Variants in DOCK6 observed in about 807,000 individuals in gnomAD.
DOCK6 encodes the protein dedicator of cytokinesis protein 6.
Under a neutral mutation model 230.3 loss-of-function variants are expected in DOCK6, and 167 were observed. The ratio of observed to expected loss-of-function variants is 0.73; its 90% confidence interval spans 0.64 to 0.82. DOCK6 has a LOEUF of 0.82. DOCK6 is among the 40% of genes least tolerant of loss of function. The pLI is 0.00. For missense variants in DOCK6, 2,598 were observed against 2,825.8 expected (o/e 0.92, Z 1.83); for synonymous variants, 1,148 against 1,185.0 (o/e 0.97, Z 0.64).
chr19:11,235,581 G>A lies in DOCK6; in HGVS notation c.2554+17C>T, dbSNP rs575361918. ...TCCCAGATATTTCTCGTCTCACAGG[G>A]ATTTCTACAAACTCACCATCCGGGA... On this transcript the variant is annotated intron_variant, in intron 21 of 47. Transcript: ENST00000294618. The A allele has an allele frequency of 4.5e-6, 7 of 1,568,876 alleles. No individual in the cohort carries two copies. In the South Asian group the frequency reaches 8.1e-5, roughly 18 times the overall value.
chr19:11,217,529 G>A (rs2079512147), intron 28 of DOCK6, 138 bp from the exon 29 acceptor site: 3 of 1,150,134 alleles, frequency 2.6e-6, no homozygotes, highest in Non-Finnish European at 3.7e-6. Context: ...GGCAGAGGCG[G>A]GTGGATCACC....
At chr19:11,216,800 A>C in intron 30 of DOCK6, 114 bp downstream of exon 30, 1 of 1,071,082 alleles carries the variant, frequency 9.3e-7, no homozygotes, top group South Asian at 1.3e-5. Flanking sequence ...TCAGTCCCAC[A>C]GAGTCCTCTG....
chr19:11,252,853 C>G lies in DOCK6; in HGVS notation c.238G>C (p.Ala80Pro). 6.2e-7 allele frequency: 1 copy of G among 1,613,912 alleles called. No individual in the cohort carries two copies. The highest frequency in any genetic ancestry group is 8.5e-7 in the Non-Finnish European group (1 of 1,179,866). ...GPLRDLVEFP[A>P]DDLELLLQPR... is the part of the protein sequence containing the mutation. ...TGCAGCAGCAGCTCCAAGTCATCAG[C>G]TGGGAATTCTACCAGGTCCCTGAGG... The change falls in exon 3 of 48, where the codon GCT (alanine) becomes CCT (proline). Residue 80 changes from alanine to proline, a missense_variant. Physicochemically the swap from Ala to Pro is conservative, Grantham distance 27 (BLOSUM62 -1). Transcript: ENST00000294618.
intron 28 of DOCK6, among the ~76,000 whole-genome samples, chr19:11,220,285 G>A (rs2079560097): frequency 6.6e-6 from 1 of 152,104 alleles, no homozygotes; most frequent in African/African-American, 2.4e-5. Context: ...TCAACAGTCT[G>A]GTTCCCAAGT....
chr19:11,248,188 G>A (rs1434734776), intron 6 of DOCK6, 37 bp from the exon 7 acceptor site: 5 of 1,482,936 alleles, frequency 3.4e-6, no homozygotes, highest in Non-Finnish European at 3.7e-6. Flanking sequence ...GGCGGGAGGA[G>A]CTGGGACATC....
rs76540596 is a variant in DOCK6, at chr19:11,213,515, C to A, written c.4339-187G>T. Among the ~76,000 whole-genome samples the A allele has an allele frequency of 0.042, 6,352 of 152,268 alleles. 458 individuals carry two copies. The highest frequency in any genetic ancestry group is 0.14 in the African/African-American group (5,978 of 41,538). On this transcript the variant is annotated intron_variant, in intron 34 of 47. Coordinates refer to ENST00000294618, the MANE Select transcript of DOCK6 (RefSeq NM_020812.4). The stretch of plus-strand genomic sequence containing the variant: ...GTGTGACCCCAGGTGAGTGACTTGG[C>A]CACTCTGATTCTGCCTTCCTTCCAC...
At chr19:11,262,296 A>T in intron 1 of DOCK6, 101 bp downstream of exon 1, 1 of 627,838 alleles carries the variant, frequency 1.6e-6, no homozygotes, top group East Asian at 1.1e-4. Context: ...CGAGGCGGAA[A>T]GGGGTTGAAT....
At position 11,236,163 on chromosome 19, in the gene DOCK6, AACCGCTGC is replaced by A. The variant is rs2079844182; in HGVS notation, c.2392+175_2392+182del. ...CCAAAGTGCTGGGATGACAGGCGTG[AACCGCTGC>A]ACCCGGGCCAAAGGGTCACAGAAGA... On this transcript the variant is annotated intron_variant, in intron 20 of 47. Transcript: ENST00000294618. This position sits in a 1 kb window ranked among gnomAD's most constrained non-coding sequence, Gnocchi z 5.2. 3 of 668,712 alleles carry A rather than the reference AACCGCTGC, an allele frequency of 4.5e-6. No homozygotes were observed. The East Asian group carries it at 8.3e-5, about 18-fold the overall frequency. 41.4% of individuals were successfully genotyped at this position (668,712 alleles called of 1,614,324 possible).
chr19:11,218,689 C>T (rs1271720024), intron 28 of DOCK6, among the ~76,000 whole-genome samples: 3 of 151,860 alleles, frequency 2.0e-5, no homozygotes, highest in African/African-American at 7.3e-5. Context: ...CTCAAGTGAT[C>T]CGCCCACCTT....
chr19:11,226,297 C>T (rs2079662827), intron 24 of DOCK6, among the ~76,000 whole-genome samples: 1 of 152,206 alleles, frequency 6.6e-6, no homozygotes, highest in Non-Finnish European at 1.5e-5. Flanking sequence ...TTCGATGCCT[C>T]AGTTTCCCCA....
At chr19:11,208,278 C>CTT (rs372026726) in intron 39 of DOCK6, 36 of 118,330 alleles carry the variant, frequency 3.0e-4, no homozygotes, top group African/African-American at 3.5e-4. Context: ...ATTCTCCTTC[C>CTT]TTTTTTTTTT....
intron 1 of DOCK6, among the ~76,000 whole-genome samples, chr19:11,260,896 G>GAAAAAAAA (rs2080276084): frequency 4.0e-5 from 2 of 50,598 alleles, no homozygotes; most frequent in African/African-American, 1.5e-4. Context: ...AAAAAAAAAA[G>GAAAAAAAA]AAAGAAAGAA....
intron 18 of DOCK6, chr19:11,237,134 G>A: frequency 1.7e-6 from 1 of 591,178 alleles, no homozygotes; most frequent in Non-Finnish European, 3.0e-6. Flanking sequence ...TCAGGAAACA[G>A]GATAGGAGGA....
Position 11,258,424 on chromosome 19 carries a change from T to TTC in DOCK6, c.44+3971_44+3972dup, listed in dbSNP as rs574257638. ...TATTCTTTAAACTTCGCACTTTTCT[T>TTC]TCTCTCTCTCTCTCTTTTTTTTTTT... On this transcript the variant is annotated intron_variant, in intron 1 of 47. Transcript: ENST00000294618. Among the ~76,000 whole-genome samples the TTC allele has an allele frequency of 2.0e-5, 3 of 151,876 alleles. No individual in the cohort carries two copies. The East Asian group carries it at 5.8e-4, about 29-fold the overall frequency.
intron 1 of DOCK6, 84 bp downstream of exon 1, chr19:11,262,313 C>T: frequency 4.6e-6 from 4 of 874,210 alleles, no homozygotes; most frequent in Non-Finnish European, 5.8e-6. Context: ...GAATTGGGGG[C>T]GCCCGGGCGG....
Position 11,199,410 on chromosome 19 carries a change from T to C in DOCK6, c.*87A>G. The stretch of plus-strand genomic sequence containing the variant: ...ACAGTGTGGTCACCCCACAGCCCAG[T>C]GGGCACCAGGGCAGACTCCCCTCGC... On this transcript the variant is annotated 3_prime_UTR_variant, in exon 48 of 48. Transcript: ENST00000294618. 2 of 1,477,998 alleles carry C rather than the reference T, an allele frequency of 1.4e-6. No homozygotes were observed. Among genetic ancestry groups the C allele is most frequent in the African/African-American group, 2.8e-5 (2 of 71,644 alleles). The allele number at this position is 1,477,998 out of a possible 1,614,324, so 91.6% of individuals were successfully genotyped here.
rs1179610650 is a variant in DOCK6, at chr19:11,204,292, G to A, written c.5128C>T (p.Leu1710Phe). ...CGGTGGGCTTCCAGGATGGGGATGA[G>A]GTTCTTGTAGACCTCATTCACCGCC... The part of the protein sequence containing the change: ...YEAVNEVYKN[L>F]IPILEAHRDY... Residue 1710 changes from leucine (L) to phenylalanine (F), a missense_variant, in exon 40 of 48, where the codon CTC becomes TTC. Coordinates refer to ENST00000294618, the MANE Select transcript of DOCK6 (RefSeq NM_020812.4). 1.2e-6 allele frequency: 2 copies of A among 1,609,712 alleles called. No homozygotes were observed. Among genetic ancestry groups the A allele is most frequent in the Admixed American group, 1.7e-5 (1 of 59,614 alleles).
At chr19:11,235,403 C>T (rs1027957763) in intron 21 of DOCK6, among the ~76,000 whole-genome samples, 195 bp downstream of exon 21, 2 of 152,108 alleles carry the variant, frequency 1.3e-5, no homozygotes, top group African/African-American at 2.4e-5. Flanking sequence ...AGCCACCATG[C>T]CTGGCCCCAG....
At chr19:11,235,112 T>A (rs547239954) in intron 21 of DOCK6, among the ~76,000 whole-genome samples, 13 of 151,892 alleles carry the variant, frequency 8.6e-5, no homozygotes, top group African/African-American at 2.7e-4. Context: ...CTGGCTAATT[T>A]TTGTTTTTGT....
Sources: allele counts gnomAD v4.1 joint callset (sites outside exome capture counted in the v4.1 genomes callset), GRCh38; gene constraint gnomAD v4.1.1; non-coding constraint Gnocchi (gnomAD v3.1); transcripts MANE v1.5; gene names NCBI Gene and HGNC (gene_info 2026-07-23, HGNC 2026-07-21).